SGCZ: variants seen among roughly 807,000 people sequenced by gnomAD.
The protein encoded by SGCZ is zeta-sarcoglycan.
SGCZ carries 40 observed loss-of-function variants against 41.3 expected under a neutral mutation model. The observed-to-expected ratio is 0.97, with a 90% CI of 0.75 to 1.26. The LOEUF (loss-of-function observed/expected upper bound fraction) is 1.26, where lower values mean the gene tolerates loss of function less well. Among genes scored for constraint, SGCZ ranks in the 50% most tolerant of loss-of-function variants. The probability of loss-of-function intolerance (pLI) is 0.00; values close to 1 mark genes in which losing one functional copy is unlikely to be tolerated. For missense variants in SGCZ, 552 were observed against 369.8 expected (o/e 1.49, Z -4.04); for synonymous variants, 206 against 137.5 (o/e 1.50, Z -3.49).
At chr8:14,209,166 CCTTCCCAGA>C (rs1805714401) in intron 4 of SGCZ, among the ~76,000 whole-genome samples, 1 of 152,208 alleles carries the variant, frequency 6.6e-6, no homozygotes, top group African/African-American at 2.4e-5. Flanking sequence ...GGGTGGACAG[CCTTCCCAGA>C]ACGTTATGTA....
intron 2 of SGCZ, among the ~76,000 whole-genome samples, chr8:14,341,988 C>T (rs1298933030): frequency 6.6e-6 from 1 of 152,112 alleles, no homozygotes; most frequent in African/African-American, 2.4e-5. Context: ...AAAAGATACC[C>T]TAAAATGAGG....
At chr8:14,996,144 C>G (rs1802209957) in intron 1 of SGCZ, among the ~76,000 whole-genome samples, 14 of 152,166 alleles carry the variant, frequency 9.2e-5, no homozygotes, top group Admixed American at 8.5e-4. Flanking sequence ...ACCTCGTGAT[C>G]TGCCCACCTC....
At chr8:14,797,406 A>G (rs1801170528) in intron 1 of SGCZ, among the ~76,000 whole-genome samples, 1 of 152,168 alleles carries the variant, frequency 6.6e-6, no homozygotes. Context: ...CTGCTTCAGC[A>G]AAGAGACTGG....
chr8:15,133,217 A>G (rs1807978311), intron 1 of SGCZ, among the ~76,000 whole-genome samples: 1 of 152,156 alleles, frequency 6.6e-6, no homozygotes, highest in Non-Finnish European at 1.5e-5. Flanking sequence ...TAACAAGATC[A>G]TGATGTGCCT....
chr8:15,033,493 G>T (rs532654959), intron 1 of SGCZ, among the ~76,000 whole-genome samples: 3 of 152,108 alleles, frequency 2.0e-5, no homozygotes, highest in African/African-American at 7.2e-5. Flanking sequence ...TATCACCTTA[G>T]TACCTGTGTG....
chr8:14,518,988 G>A (rs1454815211), intron 2 of SGCZ, among the ~76,000 whole-genome samples: 1 of 148,902 alleles, frequency 6.7e-6, no homozygotes, highest in Non-Finnish European at 1.5e-5. Context: ...AGAATCGCTT[G>A]AACCCAGGAG....
intron 3 of SGCZ, among the ~76,000 whole-genome samples, chr8:14,278,060 C>G (rs1800297210): frequency 6.6e-6 from 1 of 152,100 alleles, no homozygotes; most frequent in Non-Finnish European, 1.5e-5. Context: ...CAGTGCAGTT[C>G]CAACACTCAC....
intron 2 of SGCZ, among the ~76,000 whole-genome samples, chr8:14,381,729 T>C (rs1804373137): frequency 6.6e-6 from 1 of 151,576 alleles, no homozygotes; most frequent in Non-Finnish European, 1.5e-5. Flanking sequence ...GAGGCTGCAG[T>C]GAGCCATGAT....
At chr8:15,199,399 A>C (rs1204060670) in intron 1 of SGCZ, among the ~76,000 whole-genome samples, 1 of 152,188 alleles carries the variant, frequency 6.6e-6, no homozygotes, top group East Asian at 1.9e-4. Context: ...TTTATTTCTA[A>C]TGTTTAATTT....
intron 1 of SGCZ, among the ~76,000 whole-genome samples, chr8:14,855,009 G>C (rs954905755): frequency 6.6e-6 from 1 of 150,972 alleles, no homozygotes; most frequent in Non-Finnish European, 1.5e-5. Context: ...CCTCCCTCAA[G>C]ATCTAACTTT....
chr8:15,118,840 C>T (rs890132730), intron 1 of SGCZ, among the ~76,000 whole-genome samples: 1 of 152,112 alleles, frequency 6.6e-6, no homozygotes, highest in Non-Finnish European at 1.5e-5. Context: ...TAAATATATG[C>T]CTTTAAGTAA....
intron 1 of SGCZ, among the ~76,000 whole-genome samples, chr8:14,561,507 A>G (rs1049335621): frequency 2.6e-5 from 4 of 152,014 alleles, no homozygotes; most frequent in African/African-American, 9.7e-5. Context: ...TGTTTGTTAC[A>G]ATTATCTTGG....
chr8:14,297,997 T>C (rs1563242797), intron 3 of SGCZ, among the ~76,000 whole-genome samples: 1 of 151,908 alleles, frequency 6.6e-6, no homozygotes, highest in East Asian at 1.9e-4. Context: ...TAGCAATAAA[T>C]AAGAAGTTAT....
intron 1 of SGCZ, among the ~76,000 whole-genome samples, chr8:15,127,127 T>A (rs1313714799): frequency 6.6e-6 from 1 of 152,152 alleles, no homozygotes; most frequent in Admixed American, 6.5e-5. Context: ...TGATCATGTA[T>A]GAGACACCAT....
chr8:14,104,775 C>T lies in SGCZ; in HGVS notation c.621-2276G>A, dbSNP rs10100014. On this transcript the variant is annotated intron_variant, in intron 6 of 7. Coordinates refer to ENST00000382080, the MANE Select transcript of SGCZ (RefSeq NM_139167.4). ...TGATGTGTATTAGAGCTATGTGTTT[C>T]TAGAGATTAACTTGGAGCCTGCAAA... 2.8e-3 allele frequency among the ~76,000 whole-genome samples: 422 copies of T among 152,068 alleles called. 1 individual carries two copies. The highest frequency in any genetic ancestry group is 9.5e-3 in the African/African-American group (393 of 41,514).
At chr8:14,655,229 T>C (rs146421894) in intron 1 of SGCZ, among the ~76,000 whole-genome samples, 6 of 152,194 alleles carry the variant, frequency 3.9e-5, no homozygotes, top group Non-Finnish European at 8.8e-5. Flanking sequence ...CTTCTTAGTT[T>C]TTCCACTGTC....
intron 1 of SGCZ, among the ~76,000 whole-genome samples, chr8:14,926,607 G>T (rs10105197): frequency 0.37 from 52,598 of 141,648 alleles, 9,571 homozygotes; most frequent in Non-Finnish European, 0.42. Flanking sequence ...TCAGTAGACA[G>T]TTTTTTGTTT....
intron 1 of SGCZ, among the ~76,000 whole-genome samples, chr8:14,762,480 AT>A (rs1432890265): frequency 1.3e-5 from 2 of 152,206 alleles, no homozygotes; most frequent in East Asian, 3.9e-4. Flanking sequence ...GGGTTAATTT[AT>A]GTGAAGTAAT....
At chr8:14,234,230 A>G (rs1402272474) in intron 4 of SGCZ, among the ~76,000 whole-genome samples, 2 of 152,074 alleles carry the variant, frequency 1.3e-5, no homozygotes, top group Non-Finnish European at 2.9e-5. Context: ...CATTTATTGT[A>G]TTAGAAATAA....
Sources: gnomAD v4.1 joint callset for allele counts (sites outside exome capture counted in the v4.1 genomes callset) on GRCh38, gnomAD v4.1.1 for gene constraint, MANE v1.5 for transcripts, NCBI Gene and HGNC (gene_info 2026-07-23, HGNC 2026-07-21) for gene names.